PCDHA2: variants seen among roughly 807,000 people sequenced by gnomAD.
PCDHA2 encodes the protein protocadherin alpha-2.
Under a neutral mutation model 66.0 loss-of-function variants are expected in PCDHA2, and 58 were observed. The ratio of observed to expected loss-of-function variants is 0.88; its 90% CI spans 0.71 to 1.09. The LOEUF (loss-of-function observed/expected upper bound fraction) is 1.09. Among genes scored for constraint, PCDHA2 ranks in the 50% least tolerant of loss-of-function variants. PCDHA2 has a pLI of 0.00. For missense variants in PCDHA2, 1,267 were observed against 1,242.3 expected (o/e 1.02, Z -0.30); for synonymous variants, 634 against 554.0 (o/e 1.14, Z -2.03).
chr5:140,854,797 A>G (rs1299295498), intron 1 of PCDHA2: 1 of 149,772 alleles, frequency 6.7e-6, no homozygotes, highest in African/African-American at 2.4e-5. Context: ...TGAGAGAGAA[A>G]AAAATATTTT....
At position 140,796,440 on chromosome 5, in the gene PCDHA2, C is replaced by T. The variant is rs782093996; in HGVS notation, c.1476C>T (p.Tyr492=). Residue 492 remains tyrosine, a synonymous_variant, in exon 1 of 4, where the codon TAC becomes TAT. Coordinates refer to ENST00000526136, the MANE Select transcript of PCDHA2 (RefSeq NM_018905.3). The part of the protein sequence containing the change: ...ADAQENALVS[Y]SLVERRVGER... ...CGCAGGAGAACGCGCTGGTGTCCTA[C>T]TCGCTGGTGGAGCGGCGGGTGGGCG... 4 of 1,613,360 alleles carry T rather than the reference C, an allele frequency of 2.5e-6. No individual in the cohort carries two copies. The highest frequency in any genetic ancestry group is 3.4e-6 in the Non-Finnish European group (4 of 1,179,942).
intron 3 of PCDHA2, among the ~76,000 whole-genome samples, chr5:140,985,216 C>G (rs1009954667): frequency 1.3e-5 from 2 of 152,186 alleles, no homozygotes; most frequent in Non-Finnish European, 2.9e-5. Flanking sequence ...GGATTACAGG[C>G]GTGAGCCACC....
intron 1 of PCDHA2, among the ~76,000 whole-genome samples, chr5:140,797,727 A>G (rs933232915): frequency 1.3e-5 from 2 of 152,238 alleles, no homozygotes; most frequent in Non-Finnish European, 2.9e-5. Flanking sequence ...CGTATTTTCA[A>G]CTGACACTGT....
At position 140,835,814 on chromosome 5, in the gene PCDHA2, G is replaced by T. The variant is rs2150245444; in HGVS notation, c.2388+38462G>T. ...CGCCGGGCTGCCACATCTTCACTGTGTCGGCGGGGGACGCGGACGCGCAGA... is the reference window on the plus strand; with the variant it reads ...CGCCGGGCTGCCACATCTTCACTGTTTCGGCGGGGGACGCGGACGCGCAGA... On this transcript the variant is annotated intron_variant, in intron 1 of 3. Coordinates refer to ENST00000526136, the MANE Select transcript of PCDHA2 (RefSeq NM_018905.3). The T allele has an allele frequency of 3.1e-6, 5 of 1,612,862 alleles. 1 individual carries two copies. In the South Asian group the frequency reaches 5.5e-5, roughly 18 times the overall value.
chr5:140,821,985 C>G (rs377051395), intron 1 of PCDHA2: 4 of 1,614,156 alleles, frequency 2.5e-6, no homozygotes, highest in Non-Finnish European at 3.4e-6. Context: ...CCAAGGGCCG[C>G]GGGGACCTTC....
At chr5:140,842,786 C>A (rs1554139367) in intron 1 of PCDHA2, 1 of 1,594,526 alleles carries the variant, frequency 6.3e-7, no homozygotes, top group Admixed American at 1.7e-5. Flanking sequence ...GGAGAACGCG[C>A]TGGTGTCCTA....
chr5:140,918,585 T>A (rs147777186), intron 1 of PCDHA2, among the ~76,000 whole-genome samples: 51 of 152,368 alleles, frequency 3.3e-4, no homozygotes, highest in African/African-American at 9.9e-4. Context: ...ATTGGCTATA[T>A]GTTCTATAGA....
At chr5:140,969,342 G>T (rs1216517284) in intron 1 of PCDHA2, 2 of 1,613,512 alleles carry the variant, frequency 1.2e-6, no homozygotes, top group Non-Finnish European at 1.7e-6. Flanking sequence ...GTGAGACAGT[G>T]GTCAGGGGGT....
At position 140,870,457 on chromosome 5, in the gene PCDHA2, C is replaced by T. The variant is rs2052038650; in HGVS notation, c.2388+73105C>T. 3.1e-6 allele frequency: 5 copies of T among 1,614,110 alleles called. No individual in the cohort carries two copies. Among genetic ancestry groups the T allele is most frequent in the African/African-American group, 1.3e-5 (1 of 74,948 alleles). ...GGTGGCCGACGTGAACGACAATGCG[C>T]CTGCGTTCGCACAGCCCGAGTACAC... On this transcript the variant is annotated intron_variant, in intron 1 of 3. Coordinates refer to ENST00000526136, the MANE Select transcript of PCDHA2 (RefSeq NM_018905.3).
In PCDHA2 at chr5:140,883,616, G is replaced by GACAAC; in HGVS notation, c.2388+86265_2388+86269dup. On this transcript the variant is annotated intron_variant, in intron 1 of 3. Coordinates refer to ENST00000526136, the MANE Select transcript of PCDHA2 (RefSeq NM_018905.3). ...GTCGGTGGGGGTGGCCGACGTGAAC[G>GACAAC]ACAACGCGCCGGCGTTCGCGCAGCC... The GACAAC allele has an allele frequency of 3.1e-6, 5 of 1,614,014 alleles. No homozygotes were observed. The South Asian group carries it at 5.5e-5, about 18-fold the overall frequency.
chr5:140,879,824 T>G (rs946010713), intron 1 of PCDHA2, among the ~76,000 whole-genome samples: 2 of 152,250 alleles, frequency 1.3e-5, no homozygotes, highest in Non-Finnish European at 2.9e-5. Context: ...TGGTGTTCCC[T>G]GGCTTGTGGC....
intron 1 of PCDHA2, chr5:140,928,142 C>T (rs2084978114): frequency 1.9e-6 from 3 of 1,614,170 alleles, no homozygotes; most frequent in East Asian, 2.2e-5. Flanking sequence ...CTGATCACGG[C>T]CTCAGATAGT....
intron 1 of PCDHA2, chr5:140,857,587 C>T: frequency 1.3e-6 from 2 of 1,596,526 alleles, no homozygotes; most frequent in South Asian, 2.2e-5. Context: ...ACGCGGAGAG[C>T]GGCAAGGTGT....
intron 1 of PCDHA2, chr5:140,851,593 C>A (rs1200692770): frequency 1.1e-6 from 1 of 916,458 alleles, no homozygotes; most frequent in Non-Finnish European, 1.3e-6. Context: ...TTTTGAAATT[C>A]AGTTTACAGA....
chr5:140,988,051 T>C (rs903060920), intron 3 of PCDHA2, among the ~76,000 whole-genome samples: 2 of 152,240 alleles, frequency 1.3e-5, no homozygotes, highest in African/African-American at 2.4e-5. Flanking sequence ...TTAGGAGCAC[T>C]GTCAACATGA....
intron 1 of PCDHA2, chr5:140,803,653 C>G: frequency 6.2e-7 from 1 of 1,610,666 alleles, no homozygotes; most frequent in Non-Finnish European, 8.5e-7. Context: ...AATGTTTCCA[C>G]TCCTCTGGAA....
In PCDHA2 at chr5:140,862,844, C is replaced by T. The variant is rs782433146; in HGVS notation, c.2388+65492C>T. 8 of 571,262 alleles carry T rather than the reference C, an allele frequency of 1.4e-5. No homozygotes were observed. In the East Asian group the frequency reaches 3.8e-4, roughly 27 times the overall value. The allele number at this position is 571,262 out of a possible 1,614,324, so 35.4% of individuals were successfully genotyped here. ...AGAGCGCGCGACGCGGGCATGCCGC[C>T]TCTGAGCAGCAATGTGACGCTGCCA... is the stretch of plus-strand genomic sequence containing the variant. On this transcript the variant is annotated intron_variant, in intron 1 of 3. Coordinates refer to ENST00000526136, the MANE Select transcript of PCDHA2 (RefSeq NM_018905.3).
chr5:140,836,455 C>G, intron 1 of PCDHA2: 1 of 1,613,840 alleles, frequency 6.2e-7, no homozygotes, highest in Non-Finnish European at 8.5e-7. Flanking sequence ...GGCCCAGAGA[C>G]CGAGCTGGTG....
At chr5:140,992,643 A>C (rs1215653539) in intron 3 of PCDHA2, among the ~76,000 whole-genome samples, 1 of 152,148 alleles carries the variant, frequency 6.6e-6, no homozygotes. Context: ...CCTGGAAAAT[A>C]GAAGAAAGAG....
Sources: gnomAD v4.1 joint callset for allele counts (sites outside exome capture counted in the v4.1 genomes callset) on GRCh38, gnomAD v4.1.1 for gene constraint, MANE v1.5 for transcripts, NCBI Gene and HGNC (gene_info 2026-07-23, HGNC 2026-07-21) for gene names.